GALNTL6: variants seen among roughly 807,000 people sequenced by gnomAD.
GALNTL6 encodes polypeptide N-acetylgalactosaminyltransferase-like 6.
In GALNTL6, 46 loss-of-function variants were observed where a neutral mutation model predicts 73.7. That is an observed-to-expected ratio of 0.62 (90% CI 0.49 to 0.80). The LOEUF (loss-of-function observed/expected upper bound fraction) is 0.80, where lower values mean the gene tolerates loss of function less well. Among genes scored for constraint, GALNTL6 ranks in the 30% least tolerant of loss-of-function variants. The pLI is 0.00. For synonymous variants in GALNTL6, 259 were observed against 263.7 expected (o/e 0.98, Z 0.17); for missense variants, 604 against 755.0 (o/e 0.80, Z 2.34).
intron 8 of GALNTL6, among the ~76,000 whole-genome samples, chr4:172,919,043 A>G (rs1301880915): frequency 6.6e-6 from 1 of 152,212 alleles, no homozygotes; most frequent in Non-Finnish European, 1.5e-5. Flanking sequence ...ATTTATTGCA[A>G]TGCTGTTCAT....
chr4:173,010,827 G>A (rs868823846), intron 11 of GALNTL6, among the ~76,000 whole-genome samples: 2 of 148,260 alleles, frequency 1.3e-5, no homozygotes, highest in Non-Finnish European at 1.5e-5. Flanking sequence ...GAATGGTCTC[G>A]ATCTCCTGAC....
At chr4:172,716,488 C>T (rs1049443213) in intron 5 of GALNTL6, among the ~76,000 whole-genome samples, 7 of 44,784 alleles carry the variant, frequency 1.6e-4, no homozygotes, top group Non-Finnish European at 3.0e-4. Flanking sequence ...GACTGACGCC[C>T]AGAGTACAAC....
intron 5 of GALNTL6, among the ~76,000 whole-genome samples, chr4:172,387,452 T>C (rs1448622681): frequency 1.3e-5 from 2 of 152,142 alleles, no homozygotes; most frequent in African/African-American, 4.8e-5. Flanking sequence ...TCTTACACTT[T>C]GAATATGCTG....
At chr4:172,885,177 A>T (rs1745655795) in intron 8 of GALNTL6, among the ~76,000 whole-genome samples, 1 of 152,160 alleles carries the variant, frequency 6.6e-6, no homozygotes, top group African/African-American at 2.4e-5. Flanking sequence ...TGGTAATTTG[A>T]CATGGATTAC....
chr4:171,846,981 T>A (rs1735391153), intron 2 of GALNTL6, among the ~76,000 whole-genome samples: 1 of 148,214 alleles, frequency 6.7e-6, no homozygotes, highest in Non-Finnish European at 1.5e-5. Flanking sequence ...TATATGTAAT[T>A]ATACATATAC....
At chr4:171,882,714 G>A (rs1179006973) in intron 2 of GALNTL6, among the ~76,000 whole-genome samples, 2 of 152,180 alleles carry the variant, frequency 1.3e-5, no homozygotes, top group Non-Finnish European at 2.9e-5. Context: ...AGTCCTTCCA[G>A]CTTCTTCTGC....
chr4:172,685,106 A>G (rs1488551102), intron 5 of GALNTL6, among the ~76,000 whole-genome samples: 1 of 152,214 alleles, frequency 6.6e-6, no homozygotes, highest in Admixed American at 6.5e-5. Context: ...AGATATGTAG[A>G]GGAAAATACT....
At chr4:172,196,137 T>C (rs915493086) in intron 2 of GALNTL6, among the ~76,000 whole-genome samples, 10 of 146,692 alleles carry the variant, frequency 6.8e-5, no homozygotes, top group African/African-American at 2.3e-4. Flanking sequence ...CCCACAGAAA[T>C]ACAAACAACA....
At chr4:172,400,248 C>T (rs560374706) in intron 5 of GALNTL6, among the ~76,000 whole-genome samples, 1 of 152,144 alleles carries the variant, frequency 6.6e-6, no homozygotes, top group Non-Finnish European at 1.5e-5. Flanking sequence ...CAAAGATCAA[C>T]AGAAGTTTCT....
Position 172,178,652 on chromosome 4 carries a change from C to CTT in GALNTL6, c.139-50990_139-50989dup, listed in dbSNP as rs376927709. Among the ~76,000 whole-genome samples the CTT allele has an allele frequency of 3.8e-3, 519 of 135,524 alleles. 2 individuals are homozygous for CTT. Among genetic ancestry groups the CTT allele is most frequent in the African/African-American group, 0.011 (387 of 36,286 alleles). The allele number at this position is 135,524 out of a possible 152,430, so 88.9% of individuals were successfully genotyped here. On this transcript the variant is annotated intron_variant, in intron 2 of 12. Coordinates refer to ENST00000506823, the MANE Select transcript of GALNTL6 (RefSeq NM_001034845.3). ...CCATGGTGTATATGTGACACATTTT[C>CTT]TTTTTTTTTTTTTTTATTATACTTT...
At chr4:171,919,928 A>T (rs1316619385) in intron 2 of GALNTL6, among the ~76,000 whole-genome samples, 1 of 152,164 alleles carries the variant, frequency 6.6e-6, no homozygotes, top group Non-Finnish European at 1.5e-5. Context: ...AAGGATTATA[A>T]ATCAAGCTGC....
chr4:172,871,712 C>T (rs17058978), intron 7 of GALNTL6, among the ~76,000 whole-genome samples: 11,316 of 151,388 alleles, frequency 0.075, 609 homozygotes, highest in African/African-American at 0.14. Flanking sequence ...TGGTACAATT[C>T]TTTCTCAATG....
chr4:172,263,756 T>C (rs1738336420), intron 3 of GALNTL6, among the ~76,000 whole-genome samples: 1 of 151,606 alleles, frequency 6.6e-6, no homozygotes, highest in African/African-American at 2.4e-5. Context: ...AAGTTTCTGT[T>C]GAATAATTAT....
intron 7 of GALNTL6, among the ~76,000 whole-genome samples, chr4:172,865,800 C>A (rs1175271654): frequency 1.3e-5 from 2 of 152,108 alleles, no homozygotes; most frequent in African/African-American, 4.8e-5. Context: ...CTCTTCTGTT[C>A]TCACTCCATG....
intron 2 of GALNTL6, among the ~76,000 whole-genome samples, chr4:172,195,304 C>T (rs1735722727): frequency 6.6e-6 from 1 of 152,162 alleles, no homozygotes; most frequent in African/African-American, 2.4e-5. Flanking sequence ...TCTTAGAGAC[C>T]TACAAAGAGA....
intron 5 of GALNTL6, among the ~76,000 whole-genome samples, chr4:172,650,554 A>G (rs1313827303): frequency 6.6e-6 from 1 of 152,218 alleles, no homozygotes; most frequent in Non-Finnish European, 1.5e-5. Context: ...CAGAGAATTC[A>G]AAGAACCAAG....
chr4:172,118,827 ATT>A (rs141690850), intron 2 of GALNTL6, among the ~76,000 whole-genome samples: 1 of 150,310 alleles, frequency 6.7e-6, no homozygotes, highest in Non-Finnish European at 1.5e-5. Flanking sequence ...ATAAGCAGTG[ATT>A]TTTTTTTTCT....
intron 9 of GALNTL6, among the ~76,000 whole-genome samples, chr4:172,944,552 T>C (rs1346720176): frequency 6.6e-6 from 1 of 152,232 alleles, no homozygotes. Flanking sequence ...AATTCAGATT[T>C]TTTTAAAAGT....
At chr4:172,741,676 T>C (rs1270163083) in intron 5 of GALNTL6, among the ~76,000 whole-genome samples, 6 of 151,866 alleles carry the variant, frequency 4.0e-5, no homozygotes, top group Non-Finnish European at 7.4e-5. Flanking sequence ...TATATATAGA[T>C]ATAAGAGGTA....
Sources: gnomAD v4.1 joint callset for allele counts (sites outside exome capture counted in the v4.1 genomes callset) on GRCh38, gnomAD v4.1.1 for gene constraint, MANE v1.5 for transcripts, NCBI Gene and HGNC (gene_info 2026-07-23, HGNC 2026-07-21) for gene names.